The following ANKFN1 variants were observed in gnomAD, a reference collection of about 807,000 sequenced individuals.
The protein encoded by ANKFN1 is ankyrin repeat and fibronectin type III domain containing 1.
A neutral mutation model predicts 108.7 loss-of-function variants in ANKFN1; 74 were observed. The observed-to-expected ratio is 0.68, with a 90% CI of 0.56 to 0.83. The LOEUF (loss-of-function observed/expected upper bound fraction) is 0.83. Ranked by LOEUF, ANKFN1 falls within the 40% of genes least tolerant of loss-of-function variation. ANKFN1 has a pLI of 0.00. For synonymous variants in ANKFN1, 547 were observed against 516.2 expected (o/e 1.06, Z -0.81); for missense variants, 1,505 against 1,382.3 (o/e 1.09, Z -1.41).
At chr17:56,250,655 T>C (rs992776052) in intron 3 of ANKFN1, among the ~76,000 whole-genome samples, 7 of 152,244 alleles carry the variant, frequency 4.6e-5, no homozygotes, top group African/African-American at 1.7e-4. Flanking sequence ...CAAGAGTTAA[T>C]TGCCTTGAGC....
intron 1 of ANKFN1, among the ~76,000 whole-genome samples, chr17:56,182,822 C>T (rs1911813037): frequency 6.6e-6 from 1 of 152,172 alleles, no homozygotes; most frequent in Non-Finnish European, 1.5e-5. Flanking sequence ...CCAACTCTCT[C>T]GTTAGAGGCC....
intron 8 of ANKFN1, among the ~76,000 whole-genome samples, chr17:56,411,360 T>G (rs1285580393): frequency 6.6e-6 from 1 of 152,204 alleles, no homozygotes; most frequent in Non-Finnish European, 1.5e-5. Flanking sequence ...CTCTACTGAA[T>G]GTATCAGTTC....
intron 6 of ANKFN1, chr17:56,368,129 T>A: frequency 7.8e-7 from 1 of 1,275,246 alleles, no homozygotes; most frequent in Non-Finnish European, 1.1e-6. Flanking sequence ...ATGAGCCTGA[T>A]CACTATAAAT....
At chr17:56,457,527 C>G in intron 13 of ANKFN1, 138 bp downstream of exon 13, 1 of 921,276 alleles carries the variant, frequency 1.1e-6, no homozygotes, top group Non-Finnish European at 1.6e-6. Context: ...TCCTTTTCAG[C>G]CCTGGTATGC....
At chr17:56,366,561 T>TGATACAGCATG (rs2046668293) in intron 6 of ANKFN1, among the ~76,000 whole-genome samples, 2 of 152,236 alleles carry the variant, frequency 1.3e-5, no homozygotes, top group Non-Finnish European at 2.9e-5. Context: ...GTAAATGCCC[T>TGATACAGCATG]ATACAGCTCT....
At chr17:56,386,643 T>G in intron 8 of ANKFN1, among the ~76,000 whole-genome samples, 1 of 151,506 alleles carries the variant, frequency 6.6e-6, no homozygotes, top group Admixed American at 6.6e-5. Context: ...TTTCTAATTT[T>G]TTTTTCTTTT....
intron 3 of ANKFN1, among the ~76,000 whole-genome samples, chr17:56,268,494 A>C (rs1454671105): frequency 6.6e-6 from 1 of 152,198 alleles, no homozygotes; most frequent in Non-Finnish European, 1.5e-5. Context: ...ATCTAAAATT[A>C]ATAACCTAAC....
intron 3 of ANKFN1, among the ~76,000 whole-genome samples, chr17:56,260,326 GA>G (rs935881948): frequency 6.6e-6 from 1 of 152,180 alleles, no homozygotes; most frequent in African/African-American, 2.4e-5. Flanking sequence ...ATTTTTAAAT[GA>G]GGGAGAGTGG....
At chr17:56,119,458 G>C (rs1271256912) in intron 4 of ANKFN1, among the ~76,000 whole-genome samples, 2 of 152,110 alleles carry the variant, frequency 1.3e-5, no homozygotes, top group African/African-American at 2.4e-5. Flanking sequence ...AGGGTAGTGT[G>C]GGAGAGTACA....
At chr17:56,092,000 G>A (rs1409664471) in intron 4 of ANKFN1, among the ~76,000 whole-genome samples, 2 of 151,352 alleles carry the variant, frequency 1.3e-5, no homozygotes, top group East Asian at 3.9e-4. Context: ...CCAAATTGCT[G>A]TTACCTCGAA....
intron 4 of ANKFN1, among the ~76,000 whole-genome samples, chr17:56,061,076 GT>G (rs1304323338): frequency 6.6e-6 from 1 of 152,006 alleles, no homozygotes; most frequent in Non-Finnish European, 1.5e-5. Flanking sequence ...GCTTTTTTTG[GT>G]TGGTAGGCTA....
chr17:56,307,885 A>T (rs1379393076), intron 3 of ANKFN1, among the ~76,000 whole-genome samples: 1 of 152,246 alleles, frequency 6.6e-6, no homozygotes, highest in African/African-American at 2.4e-5. Flanking sequence ...ACACCATGGA[A>T]TACTGTGCAG....
Position 56,354,052 on chromosome 17 carries a change from T to TA in ANKFN1, c.601+8dup. ...GGCCCGAGAAAGTCCACACTGTAAGTAACCTGAGAATAAACACATGTACTA... is the reference window on the plus strand; with the variant it reads ...GGCCCGAGAAAGTCCACACTGTAAGTAAACCTGAGAATAAACACATGTACTA... On this transcript the variant is annotated splice_region_variant and intron_variant, in intron 6 of 20. Transcript: ENST00000682825. The TA allele has an allele frequency of 1.2e-6, 2 of 1,613,004 alleles. No homozygotes were observed. The highest frequency in any genetic ancestry group is 1.7e-6 in the Non-Finnish European group (2 of 1,179,550).
chr17:56,417,442 G>A (rs2048274705), intron 8 of ANKFN1, among the ~76,000 whole-genome samples: 1 of 152,130 alleles, frequency 6.6e-6, no homozygotes, highest in Non-Finnish European at 1.5e-5. Context: ...TGTCCCTGCT[G>A]TTTCTCAAGC....
chr17:56,409,013 C>T (rs1278651855), intron 8 of ANKFN1, among the ~76,000 whole-genome samples: 1 of 151,858 alleles, frequency 6.6e-6, no homozygotes, highest in Non-Finnish European at 1.5e-5. Context: ...CAGCCTCCAC[C>T]TCCCGGGTTC....
intron 3 of ANKFN1, among the ~76,000 whole-genome samples, chr17:56,275,737 G>A (rs1331238065): frequency 1.3e-5 from 2 of 152,114 alleles, no homozygotes; most frequent in African/African-American, 2.4e-5. Context: ...TCTAAGAAAT[G>A]GACTTAGTAC....
intron 8 of ANKFN1, among the ~76,000 whole-genome samples, chr17:56,403,493 G>A (rs553505444): frequency 1.5e-4 from 23 of 152,076 alleles, no homozygotes; most frequent in African/African-American, 4.3e-4. Flanking sequence ...CTTGCTTTTC[G>A]TGTCCATTTA....
intron 4 of ANKFN1, among the ~76,000 whole-genome samples, chr17:56,101,295 C>A (rs900522325): frequency 6.6e-6 from 1 of 152,096 alleles, no homozygotes; most frequent in African/African-American, 2.4e-5. Flanking sequence ...TTCCTCCCCA[C>A]TTCTTCTTTA....
intron 3 of ANKFN1, among the ~76,000 whole-genome samples, chr17:56,249,388 C>T (rs988761932): frequency 8.6e-5 from 13 of 151,670 alleles, no homozygotes; most frequent in Non-Finnish European, 1.3e-4. Context: ...AAGCCAAGAT[C>T]GCCCCACTGT....
Sources: gnomAD v4.1 joint callset for allele counts (sites outside exome capture counted in the v4.1 genomes callset) on GRCh38, gnomAD v4.1.1 for gene constraint, MANE v1.5 for transcripts, NCBI Gene and HGNC (gene_info 2026-07-23, HGNC 2026-07-21) for gene names.